The following PTCHD4 variants were observed in gnomAD, a reference collection of about 807,000 sequenced individuals.
The protein encoded by PTCHD4 is patched domain-containing protein 4.
In PTCHD4, 33 loss-of-function variants were observed where a neutral mutation model predicts 58.1. The ratio of observed to expected loss-of-function variants is 0.57; its 90% CI spans 0.43 to 0.76. The LOEUF (loss-of-function observed/expected upper bound fraction) is 0.76, where lower values mean the gene tolerates loss of function less well. Among genes scored for constraint, PTCHD4 ranks in the 30% least tolerant of loss-of-function variants. PTCHD4 has a pLI of 0.00. For synonymous variants in PTCHD4, 478 were observed against 409.6 expected (o/e 1.17, Z -2.02); for missense variants, 1,058 against 1,027.1 (o/e 1.03, Z -0.41).
chr6:48,086,821 T>C (rs1268395448), intron 1 of PTCHD4, among the ~76,000 whole-genome samples: 3 of 152,208 alleles, frequency 2.0e-5, no homozygotes, highest in Non-Finnish European at 4.4e-5. Context: ...CTTGAGGCTC[T>C]ATGGTTGCTA....
chr6:47,958,212 T>G (rs970617534), intron 4 of PTCHD4, among the ~76,000 whole-genome samples: 7 of 152,192 alleles, frequency 4.6e-5, no homozygotes, highest in Non-Finnish European at 8.8e-5. Context: ...GATTAGATTA[T>G]ATTGTAGTAA....
chr6:47,925,039 G>A (rs1561960147), intron 4 of PTCHD4, among the ~76,000 whole-genome samples: 1 of 149,108 alleles, frequency 6.7e-6, no homozygotes, highest in Non-Finnish European at 1.5e-5. Flanking sequence ...ATATGTATAT[G>A]TATAGCGCTT....
At chr6:47,887,962 A>G (rs967420075) in intron 4 of PTCHD4, among the ~76,000 whole-genome samples, 5 of 152,160 alleles carry the variant, frequency 3.3e-5, no homozygotes, top group Non-Finnish European at 5.9e-5. Flanking sequence ...ACCTTTGATA[A>G]TGTTGTTCAA....
At chr6:48,002,435 A>T (rs1262493434) in intron 4 of PTCHD4, among the ~76,000 whole-genome samples, 24 of 152,224 alleles carry the variant, frequency 1.6e-4, no homozygotes, top group Admixed American at 2.6e-4. Flanking sequence ...AGCCATAAAA[A>T]ATGATGAGTT....
At chr6:47,914,216 GT>G (rs1765158969) in intron 4 of PTCHD4, among the ~76,000 whole-genome samples, 1 of 152,112 alleles carries the variant, frequency 6.6e-6, no homozygotes, top group Non-Finnish European at 1.5e-5. Context: ...CCATTTAAGT[GT>G]TTTCTTACTG....
chr6:48,059,409 A>T (rs1764536767), intron 3 of PTCHD4, among the ~76,000 whole-genome samples: 1 of 151,980 alleles, frequency 6.6e-6, no homozygotes, highest in Non-Finnish European at 1.5e-5. Flanking sequence ...GGGAGGCGGA[A>T]GTGGGCGGAT....
chr6:47,890,554 T>C (rs1355507720), intron 4 of PTCHD4, among the ~76,000 whole-genome samples: 2 of 152,192 alleles, frequency 1.3e-5, no homozygotes, highest in African/African-American at 4.8e-5. Context: ...GTACATGTGC[T>C]TGGAACACAG....
intron 4 of PTCHD4, among the ~76,000 whole-genome samples, chr6:47,985,381 A>T (rs1330858793): frequency 2.6e-5 from 4 of 152,158 alleles, no homozygotes; most frequent in Non-Finnish European, 5.9e-5. Flanking sequence ...GGATAATCTA[A>T]TATTTTCAGA....
At chr6:48,084,995 C>T (rs542515348) in intron 1 of PTCHD4, among the ~76,000 whole-genome samples, 10 of 151,702 alleles carry the variant, frequency 6.6e-5, no homozygotes, top group South Asian at 2.1e-4. Flanking sequence ...CCCCCTGCCT[C>T]GGCCTCCCAA....
intron 4 of PTCHD4, among the ~76,000 whole-genome samples, chr6:47,959,602 G>A (rs756655947): frequency 6.6e-6 from 1 of 152,118 alleles, no homozygotes; most frequent in Non-Finnish European, 1.5e-5. Context: ...AAACTACAGT[G>A]AGGTACATCT....
At chr6:47,968,036 T>C (rs138242132) in intron 4 of PTCHD4, among the ~76,000 whole-genome samples, 293 of 152,352 alleles carry the variant, frequency 1.9e-3, no homozygotes, top group African/African-American at 6.8e-3. Flanking sequence ...GCAAGATGAC[T>C]AGCTTTTGGC....
chr6:48,021,315 T>G (rs1006197317), intron 3 of PTCHD4, among the ~76,000 whole-genome samples: 1 of 152,076 alleles, frequency 6.6e-6, no homozygotes, highest in Non-Finnish European at 1.5e-5. Context: ...GGAAAAGTGC[T>G]AACACACACT....
chr6:47,959,168 T>G (rs901256982), intron 4 of PTCHD4, among the ~76,000 whole-genome samples: 9 of 152,166 alleles, frequency 5.9e-5, no homozygotes, highest in African/African-American at 2.2e-4. Flanking sequence ...AATTAGCAGA[T>G]AAGGACATTA....
intron 4 of PTCHD4, among the ~76,000 whole-genome samples, chr6:47,976,111 G>A (rs1019108993): frequency 3.3e-5 from 5 of 152,142 alleles, no homozygotes; most frequent in African/African-American, 1.2e-4. Context: ...CACTCAGCTT[G>A]TTGCTGGAGC....
At chr6:47,911,077 G>A (rs1415314051) in intron 4 of PTCHD4, among the ~76,000 whole-genome samples, 1 of 152,096 alleles carries the variant, frequency 6.6e-6, no homozygotes, top group Admixed American at 6.5e-5. Context: ...GTGGTCACTT[G>A]CTTACTGTTC....
chr6:48,035,452 AATTAT>A (rs1468206944), intron 3 of PTCHD4, among the ~76,000 whole-genome samples: 1 of 152,130 alleles, frequency 6.6e-6, no homozygotes, highest in Non-Finnish European at 1.5e-5. Flanking sequence ...ATGAATCAGA[AATTAT>A]ATTAAAAAAT....
At chr6:48,092,970 A>G (rs948808635) in intron 1 of PTCHD4, among the ~76,000 whole-genome samples, 13 of 152,150 alleles carry the variant, frequency 8.5e-5, no homozygotes, top group Non-Finnish European at 1.6e-4. Flanking sequence ...CCTCTGTGGA[A>G]TTCTTTTTAT....
intron 4 of PTCHD4, among the ~76,000 whole-genome samples, chr6:47,935,961 A>G (rs2113914814): frequency 1.3e-5 from 2 of 152,342 alleles, no homozygotes; most frequent in South Asian, 4.1e-4. Context: ...ATAAGGTGAC[A>G]TTTAAGCAGA....
At chr6:48,044,966 T>C (rs1311209102) in intron 3 of PTCHD4, among the ~76,000 whole-genome samples, 1 of 151,778 alleles carries the variant, frequency 6.6e-6, no homozygotes, top group Admixed American at 6.6e-5. Context: ...CTTTGAAAGA[T>C]TATGCAATCC....
Sources: allele counts gnomAD v4.1 joint callset (sites outside exome capture counted in the v4.1 genomes callset), GRCh38; gene constraint gnomAD v4.1.1; transcripts MANE v1.5; gene names NCBI Gene and HGNC (gene_info 2026-07-23, HGNC 2026-07-21).